The following KIAA0319 variants were observed in gnomAD, a reference collection of about 807,000 sequenced individuals.
The protein encoded by KIAA0319 is dyslexia-associated protein KIAA0319.
In KIAA0319, 83 loss-of-function variants were observed where a neutral mutation model predicts 108.4. That is an observed-to-expected ratio of 0.77 (90% CI 0.64 to 0.92). The LOEUF (loss-of-function observed/expected upper bound fraction) is 0.92. Ranked by LOEUF, KIAA0319 falls within the 40% of genes least tolerant of loss-of-function variation. KIAA0319 has a pLI of 0.00. For missense variants in KIAA0319, 1,195 were observed against 1,322.4 expected, an observed-to-expected ratio of 0.90 and a Z score of 1.49; for synonymous variants, 484 against 510.4, an observed-to-expected ratio of 0.95 and a Z score of 0.70.
chr6:24,554,639 A>G lies in KIAA0319; in HGVS notation c.2858-8T>C, dbSNP rs778782584. The G allele has an allele frequency of 1.3e-6, 2 of 1,587,992 alleles. No homozygotes were observed. Among genetic ancestry groups the G allele is most frequent in the South Asian group, 1.1e-5 (1 of 89,814 alleles). On this transcript the variant is annotated splice_polypyrimidine_tract_variant and splice_region_variant and intron_variant, in intron 18 of 20. Transcript: ENST00000378214. ...CATAGAATATACTCCACTCTGAAAC[A>G]CAAGAAAACCAAAGTGGACATAGTT...
chr6:24,581,862 A>G (rs1478999879), intron 6 of KIAA0319, among the ~76,000 whole-genome samples: 1 of 152,178 alleles, frequency 6.6e-6, no homozygotes, highest in Non-Finnish European at 1.5e-5. Flanking sequence ...AGATGTTTGC[A>G]GCTGGGCGTG....
At chr6:24,616,095 G>T (rs1003065844) in intron 1 of KIAA0319, among the ~76,000 whole-genome samples, 8 of 152,116 alleles carry the variant, frequency 5.3e-5, no homozygotes, top group African/African-American at 1.9e-4. Context: ...AGAAGACATT[G>T]TTTGTAGGTA....
In KIAA0319 at chr6:24,563,231, G is replaced by A. The variant is rs552312344; in HGVS notation, c.2591+128C>T. The A allele has an allele frequency of 2.1e-5, 22 of 1,031,498 alleles. No individual in the cohort carries two copies. The African/African-American group carries it at 3.2e-4, about 15-fold the overall frequency. The allele number at this position is 1,031,498 out of a possible 1,614,324, so 63.9% of individuals were successfully genotyped here. On this transcript the variant is annotated intron_variant, in intron 16 of 20. Transcript: ENST00000378214. ...CTGCCCTTTGAGAAAAAAAGTATAT[G>A]AATGGGATAAAAGTGTGTCAAAAAT...
rs907116120 is a variant in KIAA0319, at chr6:24,582,145, C to G, written c.1191+104G>C. Reference sequence around the variant, plus strand: ...TGGGCAACAGAGCAAGACTCTGTCCCCAAAAAGAAGAAAGACGTTTGGGTT... The same window carrying G: ...TGGGCAACAGAGCAAGACTCTGTCCGCAAAAAGAAGAAAGACGTTTGGGTT... On this transcript the variant is annotated intron_variant, in intron 6 of 20. Coordinates refer to ENST00000378214, the MANE Select transcript of KIAA0319 (RefSeq NM_014809.4). 7.0e-6 allele frequency: 5 copies of G among 715,736 alleles called. No homozygotes were observed. In the African/African-American group the frequency reaches 8.8e-5, roughly 13 times the overall value. The allele number at this position is 715,736 out of a possible 1,614,324, so 44.3% of individuals were successfully genotyped here.
At chr6:24,629,456 A>G (rs551522389) in intron 1 of KIAA0319, among the ~76,000 whole-genome samples, 4 of 142,462 alleles carry the variant, frequency 2.8e-5, no homozygotes, top group Non-Finnish European at 4.5e-5. Flanking sequence ...CAGAGCTTGC[A>G]ATGAGCCGAG....
chr6:24,581,659 G>C (rs1395259660), intron 6 of KIAA0319, among the ~76,000 whole-genome samples: 1 of 152,200 alleles, frequency 6.6e-6, no homozygotes, highest in Non-Finnish European at 1.5e-5. Flanking sequence ...ACTGCAAGGA[G>C]AGCAAGAGTT....
intron 11 of KIAA0319, among the ~76,000 whole-genome samples, chr6:24,570,579 T>G (rs1409209677): frequency 2.7e-5 from 2 of 75,034 alleles, no homozygotes; most frequent in Admixed American, 1.2e-4. Context: ...CAGAGCAAGA[T>G]CCGTCTAAAA....
chr6:24,612,944 G>A (rs1430656903), intron 1 of KIAA0319, among the ~76,000 whole-genome samples: 5 of 152,142 alleles, frequency 3.3e-5, no homozygotes, highest in South Asian at 2.1e-4. Flanking sequence ...GACTACAGGC[G>A]CCCGCCACCA....
intron 1 of KIAA0319, among the ~76,000 whole-genome samples, chr6:24,602,209 GT>G (rs1770726501): frequency 6.6e-6 from 1 of 152,074 alleles, no homozygotes; most frequent in South Asian, 2.1e-4. Flanking sequence ...TAGAGACGGG[GT>G]TTTGCCATGT....
chr6:24,616,641 C>T (rs1369418683), intron 1 of KIAA0319, among the ~76,000 whole-genome samples: 1 of 152,194 alleles, frequency 6.6e-6, no homozygotes, highest in African/African-American at 2.4e-5. Flanking sequence ...CATGAGCCAC[C>T]GTGCTCGGCC....
intron 1 of KIAA0319, among the ~76,000 whole-genome samples, chr6:24,619,099 C>T (rs1400092378): frequency 1.3e-5 from 2 of 152,062 alleles, no homozygotes; most frequent in East Asian, 1.9e-4. Context: ...GGGTCAGCAT[C>T]GCTAGAAAAG....
At chr6:24,605,345 G>A (rs1412291089) in intron 1 of KIAA0319, among the ~76,000 whole-genome samples, 1 of 152,110 alleles carries the variant, frequency 6.6e-6, no homozygotes, top group Admixed American at 6.5e-5. Flanking sequence ...CACCCTCTTT[G>A]ATAGTTCTGT....
chr6:24,563,634 G>T, intron 15 of KIAA0319, 116 bp from the exon 16 acceptor site: 1 of 908,632 alleles, frequency 1.1e-6, no homozygotes, highest in Non-Finnish European at 1.6e-6. Flanking sequence ...CTACATTTGA[G>T]TTGTAGCACT....
chr6:24,596,843 C>T (rs1243852295), intron 2 of KIAA0319, among the ~76,000 whole-genome samples: 1 of 152,164 alleles, frequency 6.6e-6, no homozygotes, highest in Non-Finnish European at 1.5e-5. Flanking sequence ...ATCTACTCAT[C>T]CTTTCATTCA....
At chr6:24,592,484 T>C (rs903814459) in intron 3 of KIAA0319, among the ~76,000 whole-genome samples, 15 of 152,324 alleles carry the variant, frequency 9.8e-5, no homozygotes, top group Admixed American at 5.9e-4. Context: ...CAGGCTGGTC[T>C]CTCACCCGTA....
chr6:24,577,379 T>A (rs1765702133), intron 9 of KIAA0319, among the ~76,000 whole-genome samples: 1 of 152,222 alleles, frequency 6.6e-6, no homozygotes, highest in Non-Finnish European at 1.5e-5. Flanking sequence ...GGATACTCCT[T>A]GCAAAGCAGT....
chr6:24,574,846 G>GT (rs1765236148), intron 10 of KIAA0319, among the ~76,000 whole-genome samples: 1 of 152,198 alleles, frequency 6.6e-6, no homozygotes, highest in South Asian at 2.1e-4. Context: ...GGCAAAGCAC[G>GT]TTTCTCTGAA....
In KIAA0319 at chr6:24,596,017, A is replaced by C. The variant is rs538982124; in HGVS notation, c.657T>G (p.Asn219Lys). ...TTGGGGCAGGGGTTGAAGCCGACTCATTCAGGTAATGGAGCTCAGGGTCCT... is the reference window on the plus strand; with the variant it reads ...TTGGGGCAGGGGTTGAAGCCGACTCCTTCAGGTAATGGAGCTCAGGGTCCT... ...TQQDPELHYL[N>K]ESASTPAPKL... The change falls in exon 3 of 21, where the codon AAT (asparagine) becomes AAG (lysine). Residue 219 changes from asparagine (N) to lysine (K), a missense_variant. Transcript: ENST00000378214. 1 of 1,614,188 alleles carries C rather than the reference A, an allele frequency of 6.2e-7. No homozygotes were observed. The highest frequency in any genetic ancestry group is 1.7e-5 in the Admixed American group (1 of 60,026).
rs536970883 is a variant in KIAA0319, at chr6:24,624,017, CTTTT to C, written c.-106+21715_-106+21718del. Among the ~76,000 whole-genome samples the C allele has an allele frequency of 2.3e-3, 115 of 50,544 alleles. 2 individuals carry two copies. The highest frequency in any genetic ancestry group is 9.5e-3 in the African/African-American group (100 of 10,478). 33.2% of individuals were successfully genotyped at this position (50,544 alleles called of 152,430 possible). On this transcript the variant is annotated intron_variant, in intron 1 of 20. Coordinates refer to ENST00000378214, the MANE Select transcript of KIAA0319 (RefSeq NM_014809.4). ...AAATAATTTTGAATTTCTTTGTTTTCTTTTTTTTTTTTTTTTTTTTTTTTTTAGA... is the reference window on the plus strand; with the variant it reads ...AAATAATTTTGAATTTCTTTGTTTTCTTTTTTTTTTTTTTTTTTTTTTAGA...
Sources: gnomAD v4.1 joint callset for allele counts (sites outside exome capture counted in the v4.1 genomes callset) on GRCh38, gnomAD v4.1.1 for gene constraint, MANE v1.5 for transcripts, NCBI Gene and HGNC (gene_info 2026-07-23, HGNC 2026-07-21) for gene names.